Variants in KRABD4 observed in about 807,000 individuals in gnomAD.
KRABD4 encodes the protein KRAB domain-containing protein 4.
At chrX:46,463,477 C>T in the KRABD4 span, 5 of 507,175 alleles carry the variant, frequency 9.9e-6, no homozygotes, top group Non-Finnish European at 1.8e-5. Flanking sequence ...CGGTTACAGT[C>T]TCTGTGTTCT....
the KRABD4 span, chrX:46,472,771 A>T: frequency 1.7e-6 from 2 of 1,210,928 alleles, no homozygotes; most frequent in Non-Finnish European, 1.1e-6. Context: ...GTTGATGAGC[A>T]GATAGATCAC....
At chrX:46,468,142 T>G in the KRABD4 span, among the ~76,000 whole-genome samples, 25 of 111,915 alleles carry the variant, frequency 2.2e-4, no homozygotes, top group Middle Eastern at 4.6e-3. Context: ...TTTATATTAT[T>G]TTTACATATG....
chrX:46,461,603 G>A, the KRABD4 span, among the ~76,000 whole-genome samples: 1 of 111,771 alleles, frequency 8.9e-6, no homozygotes, highest in Admixed American at 9.5e-5. Flanking sequence ...GACAGGATGG[G>A]ATCTGGAGCA....
At chrX:46,459,403 ATTGC>A in the KRABD4 span, among the ~76,000 whole-genome samples, 1 of 110,532 alleles carries the variant, frequency 9.0e-6, no homozygotes, top group Non-Finnish European at 1.9e-5. Context: ...GAATTTGGGG[ATTGC>A]TTAGAAAGGC....
At chrX:46,456,742 C>A in the KRABD4 span, 1 of 291,370 alleles carries the variant, frequency 3.4e-6, no homozygotes, top group Non-Finnish European at 6.3e-6. Context: ...GGAAGGTGTC[C>A]ACTTTCCTGT....
chrX:46,455,669 T>C, the KRABD4 span: 1 of 382,244 alleles, frequency 2.6e-6, no homozygotes, highest in South Asian at 3.3e-5. Flanking sequence ...CCTTATTCAG[T>C]AATGCTTTCA....
chrX:46,460,112 G>C, the KRABD4 span, among the ~76,000 whole-genome samples: 1 of 112,055 alleles, frequency 8.9e-6, no homozygotes, highest in African/African-American at 3.2e-5. Flanking sequence ...GTTTCCCTGA[G>C]TTTCCCCTAT....
At chrX:46,458,567 G>A in the KRABD4 span, among the ~76,000 whole-genome samples, 1 of 112,203 alleles carries the variant, frequency 8.9e-6, no homozygotes, top group African/African-American at 3.2e-5. Flanking sequence ...TGTAAGAGTG[G>A]TAAACTTTGA....
the KRABD4 span, chrX:46,463,115 C>T: frequency 9.5e-7 from 1 of 1,048,805 alleles, no homozygotes; most frequent in South Asian, 2.0e-5. Context: ...ATGGGGCCAT[C>T]ACCTTCAGCC....
At chrX:46,462,663 G>C in the KRABD4 span, 2 of 1,204,677 alleles carry the variant, frequency 1.7e-6, no homozygotes, top group South Asian at 1.8e-5. Flanking sequence ...AGAGGGCACA[G>C]AGTAAGCCCT....
the KRABD4 span, among the ~76,000 whole-genome samples, chrX:46,460,348 T>C: frequency 9.6e-6 from 1 of 104,024 alleles, no homozygotes; most frequent in African/African-American, 3.6e-5. Flanking sequence ...ACCTGGGAGG[T>C]AGAGGTTGCA....
chrX:46,470,299 T>G, the KRABD4 span, among the ~76,000 whole-genome samples: 6 of 111,376 alleles, frequency 5.4e-5, no homozygotes, highest in East Asian at 1.7e-3. Flanking sequence ...AAAATTTCCA[T>G]TACTACAAAG....
At chrX:46,465,486 A>G in the KRABD4 span, among the ~76,000 whole-genome samples, 1 of 113,254 alleles carries the variant, frequency 8.8e-6, no homozygotes, top group Non-Finnish European at 1.9e-5. Flanking sequence ...GGGGCTAATG[A>G]TAAAACTGAA....
chrX:46,457,070 C>T, the KRABD4 span: 1 of 358,120 alleles, frequency 2.8e-6, no homozygotes, highest in Non-Finnish European at 5.0e-6. Context: ...TTTTGTTGTC[C>T]CTCCGTGGCG....
chrX:46,449,093 C>G, the KRABD4 span, among the ~76,000 whole-genome samples: 1 of 112,318 alleles, frequency 8.9e-6, no homozygotes, highest in African/African-American at 3.2e-5. Flanking sequence ...AATGGTTACT[C>G]TGCACAGAAG....
the KRABD4 span, chrX:46,472,970 A>T: frequency 3.3e-6 from 4 of 1,211,549 alleles, no homozygotes; most frequent in Admixed American, 8.7e-5. Context: ...CATCATTTAA[A>T]CTTTCTTGGT....
the KRABD4 span, among the ~76,000 whole-genome samples, chrX:46,463,757 G>T: frequency 9.1e-6 from 1 of 110,304 alleles, no homozygotes; most frequent in East Asian, 2.9e-4. Flanking sequence ...TTAGCCTAAG[G>T]TAGATTATCG....
the KRABD4 span, among the ~76,000 whole-genome samples, chrX:46,469,151 T>A: frequency 8.9e-6 from 1 of 112,347 alleles, no homozygotes; most frequent in African/African-American, 3.2e-5. Flanking sequence ...GTCCTCTTAC[T>A]TTGTTCTTCC....
chrX:46,448,925 T>A, the KRABD4 span, among the ~76,000 whole-genome samples: 15 of 112,465 alleles, frequency 1.3e-4, no homozygotes, highest in Middle Eastern at 4.6e-3. Context: ...ATATTTTTAG[T>A]TTATAGAATT....
Sources: gnomAD v4.1 joint callset for allele counts (sites outside exome capture counted in the v4.1 genomes callset) on GRCh38, gnomAD v4.1.1 for gene constraint, MANE v1.5 for transcripts, NCBI Gene and HGNC (gene_info 2026-07-23, HGNC 2026-07-21) for gene names.